TMX4: variants seen among roughly 807,000 people sequenced by gnomAD.
TMX4 encodes the protein thioredoxin-related transmembrane protein 4.
Under a neutral mutation model 33.3 loss-of-function variants are expected in TMX4, and 23 were observed. The observed-to-expected ratio is 0.69, with a 90% CI of 0.50 to 0.98. TMX4 has a LOEUF of 0.98. Among genes scored for constraint, TMX4 ranks in the 50% least tolerant of loss-of-function variants. The pLI is 0.00. For missense variants in TMX4, 399 were observed against 448.9 expected (o/e 0.89, Z 1.01); for synonymous variants, 164 against 161.5 (o/e 1.02, Z -0.12).
intron 4 of TMX4, among the ~76,000 whole-genome samples, chr20:7,997,884 G>A (rs1439263081): frequency 3.3e-5 from 5 of 152,262 alleles, no homozygotes; most frequent in Middle Eastern, 3.4e-3. Context: ...GATCATGGGG[G>A]CGGATTCTCA....
At chr20:7,993,452 C>T (rs2050663501) in intron 5 of TMX4, among the ~76,000 whole-genome samples, 1 of 152,152 alleles carries the variant, frequency 6.6e-6, no homozygotes. Context: ...GCTAACTGAG[C>T]AGGCAGGGCA....
intron 1 of TMX4, among the ~76,000 whole-genome samples, chr20:8,011,042 T>TG: frequency 6.6e-6 from 1 of 152,178 alleles, no homozygotes; most frequent in Non-Finnish European, 1.5e-5. Context: ...GAGATAAGCA[T>TG]GGGGGGCAAA....
chr20:7,994,533 T>C (rs1012852880), intron 5 of TMX4, among the ~76,000 whole-genome samples: 20 of 152,214 alleles, frequency 1.3e-4, no homozygotes, highest in African/African-American at 4.8e-4. Context: ...TCAGGGCCAT[T>C]ATGTATCTTC....
rs557219952 is a variant in TMX4, at chr20:7,979,676, TTGTAGTAAGC to T, written c.*2565_*2574del. ...ATCCCTTGAACTAGGGAGGCGGAGG[TTGTAGTAAGC>T]CAAGATTGTGCCATTGCAGCCTGGG... is the stretch of plus-strand genomic sequence containing the variant. On this transcript the variant is annotated 3_prime_UTR_variant, in exon 8 of 8. Transcript: ENST00000246024. 6.6e-6 allele frequency: 1 copy of T among 150,732 alleles called. No homozygotes were observed. The highest frequency in any genetic ancestry group is 1.5e-5 in the Non-Finnish European group (1 of 67,698). The allele number at this position is 150,732 out of a possible 1,614,324, so 9.3% of individuals were successfully genotyped here.
In TMX4 at chr20:7,982,389, C is replaced by G; in HGVS notation, c.912G>C (p.Glu304Asp). ...SEANDQGPPG[E>D]DGVTREEVEP... ...CTACTTCCTCCCGGGTCACACCGTCCTCTCCTGGGGGCCCCTGATCATTGG... is the reference window on the plus strand; with the variant it reads ...CTACTTCCTCCCGGGTCACACCGTCGTCTCCTGGGGGCCCCTGATCATTGG... Residue 304 changes from glutamate (E) to aspartate (D), a missense_variant, in exon 8 of 8, where the codon GAG becomes GAC. Glu to Asp is a conservative substitution (Grantham distance 45). Transcript: ENST00000246024. 10 of 1,614,066 alleles carry G rather than the reference C, an allele frequency of 6.2e-6. No individual in the cohort carries two copies. The highest frequency in any genetic ancestry group is 7.6e-6 in the Non-Finnish European group (9 of 1,180,014).
rs941484385 is a variant in TMX4, at chr20:8,015,586, C to A, written c.176+3852G>T. Among the ~76,000 whole-genome samples the A allele has an allele frequency of 2.0e-5, 3 of 152,202 alleles. No individual in the cohort carries two copies. In the East Asian group the frequency reaches 5.8e-4, roughly 29 times the overall value. On this transcript the variant is annotated intron_variant, in intron 1 of 7. Transcript: ENST00000246024. Reference sequence around the variant, plus strand: ...GAAGGCTCATTCTTCTTCACCTTCCCAGCTCCCCAACACTGAACCTGACAC... The same window carrying A: ...GAAGGCTCATTCTTCTTCACCTTCCAAGCTCCCCAACACTGAACCTGACAC...
chr20:7,992,259 C>G (rs890116242), intron 5 of TMX4, among the ~76,000 whole-genome samples: 3 of 152,158 alleles, frequency 2.0e-5, no homozygotes, highest in Non-Finnish European at 2.9e-5. Context: ...ATCTCCTAGG[C>G]CTCAGTGACT....
rs759443276 is a variant in TMX4 at position 8,010,192 on chromosome 20, C to G, written c.292+8G>C. On this transcript the variant is annotated splice_region_variant and intron_variant, in intron 2 of 7. Coordinates refer to ENST00000246024, the MANE Select transcript of TMX4 (RefSeq NM_021156.4). ...ACTTTTGCATTTTATGTGCAACATT[C>G]ACAGTACCTGGTTCTTGAATGACAT... The G allele has an allele frequency of 1.9e-6, 3 of 1,581,766 alleles. No homozygotes were observed. Among genetic ancestry groups the G allele is most frequent in the Non-Finnish European group, 1.7e-6 (2 of 1,161,882 alleles).
At chr20:7,989,883 C>T (rs904870297) in intron 5 of TMX4, among the ~76,000 whole-genome samples, 1 of 152,132 alleles carries the variant, frequency 6.6e-6, no homozygotes, top group African/African-American at 2.4e-5. Context: ...AATACTGATC[C>T]TTATTCAATA....
At chr20:8,012,630 C>T (rs184377172) in intron 1 of TMX4, among the ~76,000 whole-genome samples, 1,943 of 149,776 alleles carry the variant, frequency 0.013, 49 homozygotes, top group African/African-American at 0.045. Context: ...ACTTCAGATC[C>T]TCTTTATTTC....
chr20:7,992,547 G>C (rs1568534826), intron 5 of TMX4, among the ~76,000 whole-genome samples: 2 of 152,162 alleles, frequency 1.3e-5, no homozygotes, highest in African/African-American at 2.4e-5. Context: ...CTATTCAAGG[G>C]ACTTTCTCAC....
At chr20:7,998,320 G>A (rs2050685841) in intron 4 of TMX4, among the ~76,000 whole-genome samples, 1 of 152,134 alleles carries the variant, frequency 6.6e-6, no homozygotes, top group Non-Finnish European at 1.5e-5. Flanking sequence ...GATCCATCAT[G>A]TACTCAAACC....
At chr20:7,989,344 T>A (rs2050644379) in intron 5 of TMX4, among the ~76,000 whole-genome samples, 2 of 152,188 alleles carry the variant, frequency 1.3e-5, no homozygotes, top group African/African-American at 4.8e-5. Flanking sequence ...TTAGGAAAAA[T>A]AATGTGCAGT....
At chr20:7,992,417 A>C (rs1236645013) in intron 5 of TMX4, among the ~76,000 whole-genome samples, 1 of 152,196 alleles carries the variant, frequency 6.6e-6, no homozygotes, top group Non-Finnish European at 1.5e-5. Context: ...ATTTAAATTT[A>C]GTGATGGAAA....
intron 1 of TMX4, among the ~76,000 whole-genome samples, chr20:8,015,923 T>G (rs1442518149): frequency 6.6e-6 from 1 of 152,214 alleles, no homozygotes. Context: ...CCCAAAGACA[T>G]ACTTTTCTTC....
intron 1 of TMX4, 170 bp downstream of exon 1, chr20:8,019,268 T>A: frequency 1.3e-6 from 1 of 772,062 alleles, no homozygotes; most frequent in South Asian, 2.1e-5. Flanking sequence ...CCAGCGGCAG[T>A]GCAGGATCGC....
Position 7,981,077 on chromosome 20 carries a change from C to G in TMX4, c.*1174G>C, listed in dbSNP as rs1346772957. 2 of 151,578 alleles carry G rather than the reference C, an allele frequency of 1.3e-5. No individual in the cohort carries two copies. The highest frequency in any genetic ancestry group is 4.9e-5 in the African/African-American group (2 of 41,210). 9.4% of individuals were successfully genotyped at this position (151,578 alleles called of 1,614,324 possible). ...GATTTTTTTTTTTTAAGGAAATTAG[C>G]CTCCCTGGGTACTTACAGTAGATTG... On this transcript the variant is annotated 3_prime_UTR_variant, in exon 8 of 8. Transcript: ENST00000246024.
At chr20:7,990,167 C>T (rs983547743) in intron 5 of TMX4, among the ~76,000 whole-genome samples, 3 of 151,844 alleles carry the variant, frequency 2.0e-5, no homozygotes, top group East Asian at 1.9e-4. Flanking sequence ...TGGTGGCAGG[C>T]GCCTGTAGTC....
chr20:8,004,836 A>C lies in TMX4; in HGVS notation c.293-3295T>G, dbSNP rs185019091. On this transcript the variant is annotated intron_variant, in intron 2 of 7. Transcript: ENST00000246024. ...AACCTATCCTAGCCTCAGTTTTCTG[A>C]GTAAGACAGAGATAAACAGTTTGTT... Among the ~76,000 whole-genome samples the C allele has an allele frequency of 3.3e-5, 5 of 152,294 alleles. No homozygotes were observed. In the East Asian group the frequency reaches 9.7e-4, roughly 29 times the overall value.
Sources: allele counts gnomAD v4.1 joint callset (sites outside exome capture counted in the v4.1 genomes callset), GRCh38; gene constraint gnomAD v4.1.1; transcripts MANE v1.5; gene names NCBI Gene and HGNC (gene_info 2026-07-23, HGNC 2026-07-21).